PCDHA10: variants seen among roughly 807,000 people sequenced by gnomAD.
PCDHA10 encodes the protein protocadherin alpha-10.
A neutral mutation model predicts 61.2 loss-of-function variants in PCDHA10; 45 were observed. That is an observed-to-expected ratio of 0.74 (90% CI 0.58 to 0.94). The LOEUF is 0.94. Ranked by LOEUF, PCDHA10 falls within the 40% of genes least tolerant of loss-of-function variation. The pLI, the probability that PCDHA10 is intolerant of heterozygous loss-of-function variation, is 0.00. For missense variants in PCDHA10, 1,278 were observed against 1,236.2 expected, an observed-to-expected ratio of 1.03 and a Z score of -0.51; for synonymous variants, 602 against 548.8, an observed-to-expected ratio of 1.10 and a Z score of -1.35.
chr5:140,886,659 C>T (rs782545078), intron 1 of PCDHA10, among the ~76,000 whole-genome samples: 4 of 151,858 alleles, frequency 2.6e-5, no homozygotes, highest in African/African-American at 4.8e-5. Context: ...AACCCTGTCT[C>T]TACTAAAAAT....
At chr5:140,985,317 A>C (rs1457089100) in intron 3 of PCDHA10, among the ~76,000 whole-genome samples, 1 of 152,134 alleles carries the variant, frequency 6.6e-6, no homozygotes, top group Non-Finnish European at 1.5e-5. Flanking sequence ...TGGTGGCCAG[A>C]ATTCAGTAGT....
intron 1 of PCDHA10, among the ~76,000 whole-genome samples, chr5:140,895,301 C>T (rs2064953096): frequency 6.6e-6 from 1 of 152,000 alleles, no homozygotes; most frequent in Non-Finnish European, 1.5e-5. Flanking sequence ...TCGATTTCCC[C>T]CCTTCCACCC....
rs1349826822 is a variant in PCDHA10, at chr5:140,911,368, C to A, written c.2388+52932C>A. Reference sequence around the variant, plus strand: ...CCTCATTTCAACAGTAGACACCTGGCAAGGCTGTGCATGCACCTTTCATTG... The same window carrying A: ...CCTCATTTCAACAGTAGACACCTGGAAAGGCTGTGCATGCACCTTTCATTG... On this transcript the variant is annotated intron_variant, in intron 1 of 3. Coordinates refer to ENST00000307360, the MANE Select transcript of PCDHA10 (RefSeq NM_018901.4). 3.3e-5 allele frequency among the ~76,000 whole-genome samples: 5 copies of A among 152,144 alleles called. No homozygotes were observed. The East Asian group carries it at 7.7e-4, about 23-fold the overall frequency.
intron 1 of PCDHA10, among the ~76,000 whole-genome samples, chr5:140,900,338 C>T (rs145242611): frequency 0.027 from 4,159 of 152,082 alleles, 89 homozygotes; most frequent in Non-Finnish European, 0.044. Flanking sequence ...AGTACCGTGG[C>T]GCAATCTTGG....
At chr5:140,897,656 C>T (rs2153457504) in intron 1 of PCDHA10, among the ~76,000 whole-genome samples, 1 of 152,200 alleles carries the variant, frequency 6.6e-6, no homozygotes, top group Non-Finnish European at 1.5e-5. Flanking sequence ...CATACGTGTG[C>T]ATGTGTCTTT....
In PCDHA10 at chr5:140,856,365, A is replaced by G; in HGVS notation, c.317A>G (p.Glu106Gly). 1 of 1,598,426 alleles carries G rather than the reference A, an allele frequency of 6.3e-7. No individual in the cohort carries two copies. The highest frequency in any genetic ancestry group is 8.6e-7 in the Non-Finnish European group (1 of 1,167,924). Reference sequence around the variant, plus strand: ...AGCGTGGAGTGCAGCATCCACCTGGAGGTGATCGTGGACAGGCCGCTGCAG... The same window carrying G: ...AGCGTGGAGTGCAGCATCCACCTGGGGGTGATCGTGGACAGGCCGCTGCAG... The part of the protein sequence containing the change: ...GRSVECSIHL[E>G]VIVDRPLQVF... Residue 106 changes from glutamate (E) to glycine (G), a missense_variant, in exon 1 of 4, where the codon GAG becomes GGG. Physicochemically the swap from Glu to Gly is moderately conservative, Grantham distance 98. Transcript: ENST00000307360.
intron 1 of PCDHA10, among the ~76,000 whole-genome samples, chr5:140,887,198 G>T (rs1276345927): frequency 6.6e-6 from 1 of 151,492 alleles, no homozygotes; most frequent in Admixed American, 6.6e-5. Flanking sequence ...CCGGGTTCAC[G>T]CCATTCTCCT....
chr5:140,933,694 C>T (rs782754431), intron 1 of PCDHA10, among the ~76,000 whole-genome samples: 8 of 151,858 alleles, frequency 5.3e-5, no homozygotes, highest in South Asian at 4.1e-4. Flanking sequence ...TCCTATTCCT[C>T]GGACACATTT....
intron 3 of PCDHA10, among the ~76,000 whole-genome samples, chr5:141,007,874 T>TA (rs2098349969): frequency 6.6e-6 from 1 of 152,244 alleles, no homozygotes; most frequent in African/African-American, 2.4e-5. Flanking sequence ...TCCTTTGTCT[T>TA]ACACTTCTTT....
chr5:140,934,926 G>A lies in PCDHA10; in HGVS notation c.2389-44023G>A, dbSNP rs1054459840. Among the ~76,000 whole-genome samples, 3 of 152,116 alleles carry A rather than the reference G, an allele frequency of 2.0e-5. No homozygotes were observed. In the East Asian group the frequency reaches 5.8e-4, roughly 29 times the overall value. On this transcript the variant is annotated intron_variant, in intron 1 of 3. Transcript: ENST00000307360. ...TGGAATAATTATGGATTCACATAAA[G>A]TTACAAAACTAGTATAGAGAGATCC...
At chr5:140,917,151 G>T (rs974449842) in intron 1 of PCDHA10, among the ~76,000 whole-genome samples, 2 of 152,160 alleles carry the variant, frequency 1.3e-5, no homozygotes, top group Non-Finnish European at 2.9e-5. Flanking sequence ...TGCTGCTGGG[G>T]GATATGGGAG....
intron 1 of PCDHA10, among the ~76,000 whole-genome samples, chr5:140,908,419 A>G (rs782714084): frequency 6.6e-6 from 1 of 152,196 alleles, no homozygotes; most frequent in Non-Finnish European, 1.5e-5. Context: ...TGATGATGGA[A>G]TGCTGCTGTG....
At chr5:140,982,807 G>A (rs2097006971) in intron 3 of PCDHA10, among the ~76,000 whole-genome samples, 2 of 152,048 alleles carry the variant, frequency 1.3e-5, no homozygotes, top group South Asian at 4.1e-4. Flanking sequence ...GTGTGTGTGT[G>A]TGTATGAAGT....
Position 140,908,881 on chromosome 5 carries a change from A to G in PCDHA10, c.2388+50445A>G, listed in dbSNP as rs77004912. Among the ~76,000 whole-genome samples, 1,225 of 152,366 alleles carry G rather than the reference A, an allele frequency of 8.0e-3. 6 individuals carry two copies. The highest frequency in any genetic ancestry group is 0.019 in the African/African-American group (790 of 41,588). Reference sequence around the variant, plus strand: ...AGGAATGTGTTGCCTCCAAAATCCAATAGTCCCAAATAAGCCTCTTTCGTG... The same window carrying G: ...AGGAATGTGTTGCCTCCAAAATCCAGTAGTCCCAAATAAGCCTCTTTCGTG... On this transcript the variant is annotated intron_variant, in intron 1 of 3. Transcript: ENST00000307360.
At chr5:140,897,419 A>G (rs1329501260) in intron 1 of PCDHA10, among the ~76,000 whole-genome samples, 2 of 141,212 alleles carry the variant, frequency 1.4e-5, no homozygotes, top group East Asian at 4.3e-4. Flanking sequence ...ATTCCCATCT[A>G]TGAGTGAGAA....
At chr5:140,865,420 C>T (rs998161335) in intron 1 of PCDHA10, 2 of 152,258 alleles carry the variant, frequency 1.3e-5, no homozygotes, top group South Asian at 2.1e-4. Context: ...TTAGTAGTGT[C>T]TACCTAGAAA....
intron 1 of PCDHA10, among the ~76,000 whole-genome samples, chr5:140,963,211 G>A (rs185560728): frequency 0.016 from 2,496 of 152,042 alleles, 69 homozygotes; most frequent in African/African-American, 0.056. Flanking sequence ...AAAAAACCTC[G>A]TGTTTAGAGT....
At chr5:140,965,291 C>T (rs1227369041) in intron 1 of PCDHA10, among the ~76,000 whole-genome samples, 1 of 152,154 alleles carries the variant, frequency 6.6e-6, no homozygotes, top group Non-Finnish European at 1.5e-5. Context: ...GGAAAGATTT[C>T]CTCTGATCCT....
chr5:140,968,564 G>C (rs565573880), intron 1 of PCDHA10: 1 of 1,614,168 alleles, frequency 6.2e-7, no homozygotes, highest in South Asian at 1.1e-5. Context: ...AACTGCCCCT[G>C]CTGGCTACCT....
Sources: allele counts gnomAD v4.1 joint callset (sites outside exome capture counted in the v4.1 genomes callset), GRCh38; gene constraint gnomAD v4.1.1; transcripts MANE v1.5; gene names NCBI Gene and HGNC (gene_info 2026-07-23, HGNC 2026-07-21).